CCDC83: variants seen among roughly 807,000 people sequenced by gnomAD.
CCDC83 encodes the protein coiled-coil domain containing 83.
CCDC83 carries 54 observed loss-of-function variants against 50.1 expected under a neutral mutation model. The ratio of observed to expected loss-of-function variants is 1.08; its 90% confidence interval spans 0.87 to 1.35. CCDC83 has a LOEUF of 1.35. Among genes scored for constraint, CCDC83 ranks in the 40% most tolerant of loss-of-function variants. The pLI, the probability that CCDC83 is intolerant of heterozygous loss-of-function variation, is 0.00. For missense variants in CCDC83, 518 were observed against 473.9 expected, an observed-to-expected ratio of 1.09 and a Z score of -0.86; for synonymous variants, 161 against 153.3, an observed-to-expected ratio of 1.05 and a Z score of -0.37.
intron 2 of CCDC83, among the ~76,000 whole-genome samples, chr11:85,865,552 AC>A (rs2093201993): frequency 6.6e-6 from 1 of 152,222 alleles, no homozygotes. Context: ...TTGCTAGCTT[AC>A]CTCTTAAAAT....
At chr11:85,873,134 C>T (rs2153683530) in intron 2 of CCDC83, 77 bp from the exon 3 acceptor site, 1 of 707,046 alleles carries the variant, frequency 1.4e-6, no homozygotes, top group Admixed American at 3.3e-5. Flanking sequence ...TAATAATTCA[C>T]TTCAAATACC....
intron 3 of CCDC83, among the ~76,000 whole-genome samples, chr11:85,879,846 C>A (rs865945318): frequency 4.6e-5 from 7 of 152,102 alleles, no homozygotes; most frequent in Non-Finnish European, 8.8e-5. Context: ...CTTGAACTGA[C>A]CTCAGGTGAT....
At chr11:85,918,234 T>A (rs958999696) in intron 10 of CCDC83, among the ~76,000 whole-genome samples, 9 of 152,210 alleles carry the variant, frequency 5.9e-5, no homozygotes, top group African/African-American at 2.2e-4. Flanking sequence ...AATATGCCTA[T>A]ACAGCAGGCC....
chr11:85,905,470 C>T (rs113893265), intron 7 of CCDC83, among the ~76,000 whole-genome samples: 2,318 of 146,482 alleles, frequency 0.016, 72 homozygotes, highest in African/African-American at 0.054. Flanking sequence ...ATTAGCCAGG[C>T]GTGGTGGCAT....
chr11:85,873,139 A>C, intron 2 of CCDC83, 72 bp from the exon 3 acceptor site: 1 of 749,850 alleles, frequency 1.3e-6, no homozygotes, highest in Non-Finnish European at 2.1e-6. Context: ...ATTCACTTCA[A>C]ATACCTTTTA....
At chr11:85,892,582 T>A (rs2093355487) in intron 5 of CCDC83, among the ~76,000 whole-genome samples, 1 of 152,238 alleles carries the variant, frequency 6.6e-6, no homozygotes, top group Non-Finnish European at 1.5e-5. Flanking sequence ...AATCTATTTT[T>A]AAATTATTTA....
intron 10 of CCDC83, among the ~76,000 whole-genome samples, chr11:85,918,139 T>C (rs145842212): frequency 5.3e-5 from 8 of 152,322 alleles, no homozygotes; most frequent in Non-Finnish European, 8.8e-5. Flanking sequence ...TTCAAATAAA[T>C]ATTTATTGAG....
Position 85,865,137 on chromosome 11 carries a change from G to A in CCDC83, c.14G>A (p.Gly5Glu), listed in dbSNP as rs746648432. 1.2e-6 allele frequency: 2 copies of A among 1,611,108 alleles called. No homozygotes were observed. The highest frequency in any genetic ancestry group is 2.2e-5 in the South Asian group (2 of 91,020). The change falls in exon 2 of 11, where the codon GGG becomes GAG. Residue 5 changes from glycine (G) to glutamate (E), a missense_variant. Gly to Glu is a moderately conservative substitution (Grantham distance 98). Transcript: ENST00000342404. ...CTAACCAGCACAATGGAAAACTCAG[G>A]GAAAGCAAATAAAAAGGATACACAT... Reference protein sequence around the residue: MENSGKANKKDTHDG... With the variant: MENSEKANKKDTHDG...
rs1491153744 is a variant in CCDC83 at position 85,917,168 on chromosome 11, GAA to G, written c.1080+937_1080+938del. On this transcript the variant is annotated intron_variant, in intron 10 of 10. Transcript: ENST00000342404. Reference sequence around the variant, plus strand: ...AGAGAGAGAGAGAGAGAGAGAGAGAGAAAGAAAGAAAGAAAGAAAGAAAGAGA... The same window carrying G: ...AGAGAGAGAGAGAGAGAGAGAGAGAGAGAAAGAAAGAAAGAAAGAAAGAGA... 6.0e-3 allele frequency among the ~76,000 whole-genome samples: 414 copies of G among 69,568 alleles called. 7 individuals carry two copies. Among genetic ancestry groups the G allele is most frequent in the South Asian group, 0.026 (59 of 2,294 alleles). 45.6% of individuals were successfully genotyped at this position (69,568 alleles called of 152,430 possible).
chr11:85,857,018 C>T (rs189043364), intron 1 of CCDC83, among the ~76,000 whole-genome samples: 35 of 152,310 alleles, frequency 2.3e-4, no homozygotes, highest in African/African-American at 9.6e-5. Flanking sequence ...CAGTGCCATA[C>T]CCCCAGTGCC....
chr11:85,872,387 A>G (rs2153683414), intron 2 of CCDC83, among the ~76,000 whole-genome samples: 1 of 152,142 alleles, frequency 6.6e-6, no homozygotes. Context: ...CGGGAGGCTG[A>G]GGCAGGACAA....
At position 85,886,291 on chromosome 11, in the gene CCDC83, T is replaced by C. The variant is rs2093326554; in HGVS notation, c.435T>C (p.Ser145=). ...GGGAGGAGTACAAGAATGTAGGGAG[T>C]GAACGACATGCTAAACTCATTACCT... ...EYWEEYKNVG[S]ERHAKLITSL... is the part of the protein sequence containing the mutation. Residue 145 remains serine, a synonymous_variant, in exon 5 of 11, where the codon AGT becomes AGC. Coordinates refer to ENST00000342404, the MANE Select transcript of CCDC83 (RefSeq NM_001286159.2). 1 of 1,609,370 alleles carries C rather than the reference T, an allele frequency of 6.2e-7. No individual in the cohort carries two copies. The highest frequency in any genetic ancestry group is 1.7e-5 in the Admixed American group (1 of 58,958).
rs143746213 is a variant in CCDC83, at chr11:85,895,036, C to T, written c.512-257C>T. ...TAACCAGGTCTATCAACTTTCTGAG[C>T]CCCCTTAATCCCTCTCTACTCTCCT... On this transcript the variant is annotated intron_variant, in intron 5 of 10. Transcript: ENST00000342404. Among the ~76,000 whole-genome samples, 280 of 152,240 alleles carry T rather than the reference C, an allele frequency of 1.8e-3. 4 individuals carry two copies. Among genetic ancestry groups the T allele is most frequent in the African/African-American group, 6.4e-3 (268 of 41,552 alleles).
intron 9 of CCDC83, 123 bp downstream of exon 9, chr11:85,915,621 G>C (rs1387993815): frequency 3.7e-5 from 24 of 640,124 alleles, no homozygotes; most frequent in Non-Finnish European, 6.4e-5. Flanking sequence ...ATAGACACCT[G>C]CCAGCTTCTC....
At chr11:85,906,884 C>A (rs1344400492) in intron 7 of CCDC83, among the ~76,000 whole-genome samples, 2 of 147,874 alleles carry the variant, frequency 1.4e-5, no homozygotes, top group East Asian at 3.9e-4. Context: ...GATCCTGTCT[C>A]AAAAAATTAA....
At chr11:85,917,166 G>A (rs200307370) in intron 10 of CCDC83, among the ~76,000 whole-genome samples, 6,042 of 61,314 alleles carry the variant, frequency 0.099, 364 homozygotes, top group East Asian at 0.16. Flanking sequence ...GAGAGAGAGA[G>A]AGAAAGAAAG....
chr11:85,856,525 A>G (rs1369096540), intron 1 of CCDC83, among the ~76,000 whole-genome samples: 2 of 152,224 alleles, frequency 1.3e-5, no homozygotes, highest in African/African-American at 4.8e-5. Context: ...TGCAGTTCAA[A>G]CTATTTGATA....
In CCDC83 at chr11:85,857,349, G is replaced by C. The variant is rs546142489; in HGVS notation, c.-29+1765G>C. ...CAACATCACCCAGGACCATGAGGCAGCTGCCATTGCCAAGGCTGGCATTCC... is the reference window on the plus strand; with the variant it reads ...CAACATCACCCAGGACCATGAGGCACCTGCCATTGCCAAGGCTGGCATTCC... On this transcript the variant is annotated intron_variant, in intron 1 of 10. Coordinates refer to ENST00000342404, the MANE Select transcript of CCDC83 (RefSeq NM_001286159.2). Among the ~76,000 whole-genome samples the C allele has an allele frequency of 1.5e-4, 23 of 152,370 alleles. No homozygotes were observed. The East Asian group carries it at 4.4e-3, about 29-fold the overall frequency.
chr11:85,869,503 C>T (rs1011617990), intron 2 of CCDC83, among the ~76,000 whole-genome samples: 1 of 152,098 alleles, frequency 6.6e-6, no homozygotes, highest in African/African-American at 2.4e-5. Context: ...TTTTCCTTCC[C>T]AGAATTTTCA....
Sources: allele counts gnomAD v4.1 joint callset (sites outside exome capture counted in the v4.1 genomes callset), GRCh38; gene constraint gnomAD v4.1.1; transcripts MANE v1.5; gene names NCBI Gene and HGNC (gene_info 2026-07-23, HGNC 2026-07-21).